SLC25A18: variants seen among roughly 807,000 people sequenced by gnomAD.
SLC25A18 encodes mitochondrial glutamate carrier 2.
SLC25A18 carries 24 observed loss-of-function variants against 31.1 expected under a neutral mutation model. That is an observed-to-expected ratio of 0.77 (90% CI 0.56 to 1.08). The LOEUF is 1.08. Ranked by LOEUF, SLC25A18 falls within the 50% of genes least tolerant of loss-of-function variation. The pLI is 0.00. For missense variants in SLC25A18, 371 were observed against 418.5 expected, an observed-to-expected ratio of 0.89 and a Z score of 0.99; for synonymous variants, 173 against 161.9, an observed-to-expected ratio of 1.07 and a Z score of -0.52.
rs563875958 is a variant in SLC25A18, at chr22:17,567,232, C to T, written c.-263-2692C>T. On this transcript the variant is annotated intron_variant, in intron 1 of 10. Coordinates refer to ENST00000327451, the MANE Select transcript of SLC25A18 (RefSeq NM_031481.3). ...TATGTGCCAGGCACTGTACTAAGTG[C>T]ACTACATCTAGATATGAGTCCCATC... Among the ~76,000 whole-genome samples the T allele has an allele frequency of 7.5e-4, 114 of 152,284 alleles. 1 individual carries two copies. The Middle Eastern group carries it at 0.01, about 14-fold the overall frequency.
intron 1 of SLC25A18, among the ~76,000 whole-genome samples, chr22:17,567,896 G>C (rs1294268804): frequency 6.6e-6 from 1 of 151,752 alleles, no homozygotes; most frequent in Non-Finnish European, 1.5e-5. Context: ...CTGCAGAAAG[G>C]GTACACTTGC....
At chr22:17,573,321 G>A (rs1488586804) in intron 2 of SLC25A18, among the ~76,000 whole-genome samples, 2 of 152,100 alleles carry the variant, frequency 1.3e-5, no homozygotes, top group Non-Finnish European at 2.9e-5. Context: ...ATGCTGCTGA[G>A]TGGTGAGATC....
In SLC25A18 at chr22:17,570,776, G is replaced by A. The variant is rs533896353; in HGVS notation, c.-201+790G>A. Among the ~76,000 whole-genome samples, 12 of 152,246 alleles carry A rather than the reference G, an allele frequency of 7.9e-5. No individual in the cohort carries two copies. The East Asian group carries it at 9.7e-4, about 12-fold the overall frequency. ...GCTAGGATTACAGGCGTGAGCCACC[G>A]TGCCCAGCCTCAAGACCGTCTTAAC... On this transcript the variant is annotated intron_variant, in intron 2 of 10. Coordinates refer to ENST00000327451, the MANE Select transcript of SLC25A18 (RefSeq NM_031481.3).
intron 3 of SLC25A18, chr22:17,580,423 G>A: frequency 1.8e-6 from 1 of 549,874 alleles, no homozygotes; most frequent in Non-Finnish European, 2.3e-6. Context: ...TACCCAGCAG[G>A]GTGGGGGGCC....
At chr22:17,577,273 C>T (rs1355334617) in intron 2 of SLC25A18, among the ~76,000 whole-genome samples, 1 of 152,172 alleles carries the variant, frequency 6.6e-6, no homozygotes, top group Admixed American at 6.5e-5. Context: ...CCGCCCGCCT[C>T]AGCCTCCCAA....
chr22:17,590,123 G>T lies in SLC25A18; in HGVS notation c.835G>T (p.Ala279Ser). Reference protein sequence around the residue: ...RKLWIQEGPSAFMKGAGCRAL... With the variant: ...RKLWIQEGPSSFMKGAGCRAL... ...ACTCTGGATTCAGGAGGGACCATCT[G>T]CCTTCATGAAAGGCGCTGGCTGCCG... Residue 279 changes from alanine (A) to serine (S), a missense_variant, in exon 11 of 11, where the codon GCC becomes TCC. By Grantham distance (99) the Ala-to-Ser change is moderately conservative. Coordinates refer to ENST00000327451, the MANE Select transcript of SLC25A18 (RefSeq NM_031481.3). The T allele has an allele frequency of 1.9e-6, 3 of 1,614,192 alleles. No individual in the cohort carries two copies. The highest frequency in any genetic ancestry group is 2.5e-6 in the Non-Finnish European group (3 of 1,180,040).
intron 7 of SLC25A18, among the ~76,000 whole-genome samples, chr22:17,584,423 G>GAAAGAAAGAAAGAAAGAAAGAAAGAAAGA (rs58573353): frequency 2.8e-3 from 308 of 111,358 alleles, no homozygotes; most frequent in Non-Finnish European, 3.8e-3. Context: ...AAGAAAGAAA[G>GAAAGAAAGAAAGAAAGAAAGAAAGAAAGA]AAGGAAGGAA....
Position 17,582,618 on chromosome 22 carries a change from C to T in SLC25A18, c.255C>T (p.Ala85=). ...CAGAGAAGGCCATCAAGCTGGCGGC[C>T]AACGACTTTTTCCGGCGGCTGCTCA... The part of the protein sequence containing the change: ...VTPEKAIKLA[A]NDFFRRLLME... The change falls in exon 6 of 11, where the codon GCC becomes GCT. Residue 85 remains alanine, a synonymous_variant. Transcript: ENST00000327451. The T allele has an allele frequency of 6.2e-7, 1 of 1,605,488 alleles. No individual in the cohort carries two copies. The highest frequency in any genetic ancestry group is 8.5e-7 in the Non-Finnish European group (1 of 1,175,648).
chr22:17,582,798 G>T, intron 6 of SLC25A18, 145 bp downstream of exon 6: 1 of 716,528 alleles, frequency 1.4e-6, no homozygotes, highest in African/African-American at 1.8e-5. Flanking sequence ...GTGTGTGTTT[G>T]GGCTGCTGGA....
intron 2 of SLC25A18, 45 bp from the exon 3 acceptor site, chr22:17,579,700 T>C (rs1245324258): frequency 1.1e-5 from 15 of 1,340,370 alleles, no homozygotes; most frequent in African/African-American, 1.5e-5. Context: ...GTGACGTGCG[T>C]CCTCGCCCAT....
chr22:17,574,150 C>T (rs1304459655), intron 2 of SLC25A18, among the ~76,000 whole-genome samples: 1 of 152,208 alleles, frequency 6.6e-6, no homozygotes, highest in East Asian at 1.9e-4. Context: ...GGGAGGATCG[C>T]TTGAGCCTGG....
At chr22:17,579,714 T>G in intron 2 of SLC25A18, 31 bp from the exon 3 acceptor site, 59 of 1,361,232 alleles carry the variant, frequency 4.3e-5, no homozygotes, top group Non-Finnish European at 5.4e-5. Flanking sequence ...CGCCCATCTG[T>G]GAGGTGAGTG....
intron 9 of SLC25A18, 126 bp downstream of exon 9, chr22:17,588,205 G>C (rs921985805): frequency 2.7e-6 from 3 of 1,105,760 alleles, no homozygotes; most frequent in African/African-American, 3.2e-5. Context: ...CTCACTAGAG[G>C]CCCTCATGGA....
chr22:17,587,810 C>G, intron 8 of SLC25A18, 115 bp from the exon 9 acceptor site: 1 of 1,289,528 alleles, frequency 7.8e-7, no homozygotes, highest in Non-Finnish European at 1.1e-6. Context: ...AGGGATGAGT[C>G]CCCGTGGCTC....
chr22:17,590,564 G>GTAT lies in SLC25A18; in HGVS notation c.*330_*332dup, dbSNP rs1359612333. The GTAT allele has an allele frequency of 4.4e-6, 1 of 226,420 alleles. No individual in the cohort carries two copies. The highest frequency in any genetic ancestry group is 2.2e-5 in the African/African-American group (1 of 44,596). The allele number at this position is 226,420 out of a possible 1,614,324, so 14.0% of individuals were successfully genotyped here. A position where few individuals can be genotyped will look rare whatever the true frequency, so the allele number is the denominator to read the frequency against. On this transcript the variant is annotated 3_prime_UTR_variant, in exon 11 of 11. Coordinates refer to ENST00000327451, the MANE Select transcript of SLC25A18 (RefSeq NM_031481.3). ...TAGTCACAATAGAAGGGTTGTTTCT[G>GTAT]TATTTTAACATTTCTATTTCACAGT...
In SLC25A18 at chr22:17,563,594, A is replaced by G. The variant is rs983489595; in HGVS notation, c.-383A>G. 3.4e-5 allele frequency: 30 copies of G among 871,212 alleles called. No homozygotes were observed. The African/African-American group carries it at 5.5e-4, about 16-fold the overall frequency. The allele number at this position is 871,212 out of a possible 1,614,324, so 54.0% of individuals were successfully genotyped here. A position where few individuals can be genotyped will look rare whatever the true frequency, so the allele number is the denominator to read the frequency against. On this transcript the variant is annotated 5_prime_UTR_variant, in exon 1 of 11. In the 5' UTR this introduces an upstream ATG that the reference lacks. Coordinates refer to ENST00000327451, the MANE Select transcript of SLC25A18 (RefSeq NM_031481.3). ...GCAATGAAGCCAGTTCCTTGGATAT[A>G]TCCACGGGCTTTGCTTTGAGAAGGA...
chr22:17,584,388 A>G (rs920656123), intron 7 of SLC25A18, among the ~76,000 whole-genome samples: 14 of 147,334 alleles, frequency 9.5e-5, no homozygotes, highest in Non-Finnish European at 1.6e-4. Context: ...GCAAGACTCC[A>G]TCTCAAAAAG....
At chr22:17,564,960 C>T (rs2056897050) in intron 1 of SLC25A18, among the ~76,000 whole-genome samples, 1 of 152,080 alleles carries the variant, frequency 6.6e-6, no homozygotes, top group Non-Finnish European at 1.5e-5. Context: ...GTGATCCCAG[C>T]TACTCAGGAG....
At chr22:17,566,272 G>T (rs1022788229) in intron 1 of SLC25A18, among the ~76,000 whole-genome samples, 1 of 152,062 alleles carries the variant, frequency 6.6e-6, no homozygotes, top group Non-Finnish European at 1.5e-5. Context: ...CACTCTCAGT[G>T]GGGGGATAAT....
Sources: gnomAD v4.1 joint callset for allele counts (sites outside exome capture counted in the v4.1 genomes callset) on GRCh38, gnomAD v4.1.1 for gene constraint, MANE v1.5 for transcripts, NCBI Gene and HGNC (gene_info 2026-07-23, HGNC 2026-07-21) for gene names.